Variants in ADGRB3 observed in about 807,000 individuals in gnomAD.
ADGRB3 encodes adhesion G protein-coupled receptor B3.
A neutral mutation model predicts 193.4 loss-of-function variants in ADGRB3; 37 were observed. The ratio of observed to expected loss-of-function variants is 0.19; its 90% CI spans 0.15 to 0.25. ADGRB3 has a LOEUF of 0.25. ADGRB3 is among the 10% of genes least tolerant of loss of function. The probability of loss-of-function intolerance (pLI) is 1.00; values close to 1 mark genes in which losing one functional copy is unlikely to be tolerated. For synonymous variants in ADGRB3, 690 were observed against 644.2 expected, an observed-to-expected ratio of 1.07 and a Z score of -1.08; for missense variants, 1,637 against 1,852.9, an observed-to-expected ratio of 0.88 and a Z score of 2.14.
chr6:69,219,313 G>A (rs1230462821), intron 17 of ADGRB3, among the ~76,000 whole-genome samples: 1 of 151,322 alleles, frequency 6.6e-6, no homozygotes, highest in Non-Finnish European at 1.5e-5. Context: ...TTGTATTGAT[G>A]CCTGATTCTT....
chr6:68,886,883 C>G (rs1053905192), intron 3 of ADGRB3, among the ~76,000 whole-genome samples: 3 of 151,700 alleles, frequency 2.0e-5, no homozygotes, highest in African/African-American at 7.3e-5. Flanking sequence ...TGAATGTCTC[C>G]TGAATTAATA....
In ADGRB3 at chr6:69,232,977, G is replaced by T. The variant is rs549558320; in HGVS notation, c.2481-313G>T. ...GGAAGTGGCTGCCAACGCTCTGGCG[G>T]CTGCTCGTGCTGCCGCCGCTGCCGC... On this transcript the variant is annotated intron_variant, in intron 17 of 31. Transcript: ENST00000370598. 2.3e-4 allele frequency: 98 copies of T among 430,888 alleles called. 1 individual carries two copies. Among genetic ancestry groups the T allele is most frequent in the African/African-American group, 1.7e-3 (83 of 49,724 alleles). 26.7% of individuals were successfully genotyped at this position (430,888 alleles called of 1,614,324 possible).
intron 17 of ADGRB3, among the ~76,000 whole-genome samples, chr6:69,175,297 T>C (rs559764671): frequency 9.9e-5 from 15 of 152,232 alleles, no homozygotes; most frequent in Admixed American, 9.8e-4. Context: ...GTTTAACCCA[T>C]CTTGAGTCGA....
At chr6:69,230,565 A>G (rs1009092256) in intron 17 of ADGRB3, among the ~76,000 whole-genome samples, 4 of 152,218 alleles carry the variant, frequency 2.6e-5, no homozygotes, top group African/African-American at 7.2e-5. Context: ...TACAGACTAC[A>G]CATACTATAT....
chr6:69,076,142 G>T, intron 17 of ADGRB3, 104 bp downstream of exon 17: 1 of 951,416 alleles, frequency 1.1e-6, no homozygotes, highest in Non-Finnish European at 1.6e-6. Flanking sequence ...TCAGTGGGAT[G>T]TTGCATTCAG....
intron 20 of ADGRB3, among the ~76,000 whole-genome samples, chr6:69,321,794 G>A (rs991275696): frequency 6.6e-6 from 1 of 151,754 alleles, no homozygotes; most frequent in Non-Finnish European, 1.5e-5. Context: ...AAAGACTTTT[G>A]CAACTTAGCC....
At chr6:68,823,243 A>C (rs1767779766) in intron 3 of ADGRB3, among the ~76,000 whole-genome samples, 2 of 152,034 alleles carry the variant, frequency 1.3e-5, no homozygotes, top group African/African-American at 4.8e-5. Flanking sequence ...AACACTTGTC[A>C]TACTTTTCTG....
intron 20 of ADGRB3, among the ~76,000 whole-genome samples, chr6:69,317,530 C>A (rs1462687660): frequency 6.6e-6 from 1 of 151,410 alleles, no homozygotes; most frequent in African/African-American, 2.4e-5. Context: ...ACCAACCATT[C>A]TTTTTCAGCC....
At chr6:69,070,078 G>A (rs1369193511) in intron 16 of ADGRB3, among the ~76,000 whole-genome samples, 2 of 152,124 alleles carry the variant, frequency 1.3e-5, no homozygotes, top group African/African-American at 4.8e-5. Flanking sequence ...TGTAACATCT[G>A]ACTCAGAGCA....
intron 17 of ADGRB3, among the ~76,000 whole-genome samples, chr6:69,147,665 C>A (rs568149034): frequency 6.6e-6 from 1 of 152,200 alleles, no homozygotes; most frequent in South Asian, 2.1e-4. Flanking sequence ...TCCATTTGGG[C>A]TATATTGAAG....
At chr6:68,895,836 T>A (rs1358552817) in intron 3 of ADGRB3, among the ~76,000 whole-genome samples, 2 of 151,730 alleles carry the variant, frequency 1.3e-5, no homozygotes, top group African/African-American at 2.4e-5. Context: ...AAATAACTTA[T>A]TTTTTTTAAG....
chr6:69,388,521 AGTTT>A (rs1582673213), intron 31 of ADGRB3, among the ~76,000 whole-genome samples, 178 bp from the exon 32 acceptor site: 1 of 152,134 alleles, frequency 6.6e-6, no homozygotes, highest in East Asian at 1.9e-4. Flanking sequence ...GGTATTCATC[AGTTT>A]GTTCAATGAA....
chr6:68,990,939 C>CT (rs1338868719), intron 10 of ADGRB3, among the ~76,000 whole-genome samples: 2 of 152,090 alleles, frequency 1.3e-5, no homozygotes, highest in Non-Finnish European at 2.9e-5. Context: ...AATTTCATGA[C>CT]TTTTTTTAGG....
chr6:68,700,216 TG>T (rs1765219278), intron 3 of ADGRB3, among the ~76,000 whole-genome samples: 1 of 152,124 alleles, frequency 6.6e-6, no homozygotes, highest in Non-Finnish European at 1.5e-5. Flanking sequence ...GACTTTAATG[TG>T]GACACAGGGC....
chr6:69,381,318 T>C (rs942554832), intron 30 of ADGRB3, among the ~76,000 whole-genome samples: 1 of 151,956 alleles, frequency 6.6e-6, no homozygotes, highest in African/African-American at 2.4e-5. Flanking sequence ...GCTCTATAAT[T>C]GCTTGCTATG....
chr6:68,778,272 C>G (rs1261447967), intron 3 of ADGRB3, among the ~76,000 whole-genome samples: 1 of 152,136 alleles, frequency 6.6e-6, no homozygotes. Context: ...CTATAAGTGA[C>G]AAGTGGAAAA....
At chr6:69,130,685 C>T (rs190786823) in intron 17 of ADGRB3, among the ~76,000 whole-genome samples, 24 of 151,242 alleles carry the variant, frequency 1.6e-4, no homozygotes, top group Non-Finnish European at 2.8e-4. Flanking sequence ...CATTGTGTTT[C>T]TTGGGGTTTT....
intron 17 of ADGRB3, among the ~76,000 whole-genome samples, chr6:69,172,803 G>A (rs926397953): frequency 4.6e-5 from 7 of 152,150 alleles, no homozygotes; most frequent in Admixed American, 2.6e-4. Context: ...CATTAGAGAC[G>A]TGGCCTGAGG....
chr6:69,271,555 G>A (rs946500482), intron 20 of ADGRB3, among the ~76,000 whole-genome samples: 2 of 152,114 alleles, frequency 1.3e-5, no homozygotes, highest in Non-Finnish European at 2.9e-5. Flanking sequence ...AAATCAACCA[G>A]TAGGCATCCA....
Sources: gnomAD v4.1 joint callset for allele counts (sites outside exome capture counted in the v4.1 genomes callset) on GRCh38, gnomAD v4.1.1 for gene constraint, MANE v1.5 for transcripts, NCBI Gene and HGNC (gene_info 2026-07-23, HGNC 2026-07-21) for gene names.